RASAL1: variants seen among roughly 807,000 people sequenced by gnomAD.
RASAL1 encodes rasGAP-activating-like protein 1.
In RASAL1, 72 loss-of-function variants were observed where a neutral mutation model predicts 96.6. The ratio of observed to expected loss-of-function variants is 0.75; its 90% CI spans 0.62 to 0.91. The LOEUF (loss-of-function observed/expected upper bound fraction) is 0.91. RASAL1 is among the 40% of genes least tolerant of loss of function. RASAL1 has a pLI of 0.00. For synonymous variants in RASAL1, 405 were observed against 430.4 expected (o/e 0.94, Z 0.73); for missense variants, 1,016 against 1,072.5 (o/e 0.95, Z 0.74).
intron 7 of RASAL1, among the ~76,000 whole-genome samples, 170 bp downstream of exon 7, chr12:113,118,958 C>T (rs1951184895): frequency 6.6e-6 from 1 of 152,214 alleles, no homozygotes; most frequent in Admixed American, 6.5e-5. Flanking sequence ...AGTTTCCTCA[C>T]CTGTACAACA....
chr12:113,114,934 C>A, intron 11 of RASAL1, 22 bp from the exon 12 acceptor site: 1 of 1,586,824 alleles, frequency 6.3e-7, no homozygotes, highest in Non-Finnish European at 8.6e-7. Context: ...GGGCACCACA[C>A]GGGGTGGGGC....
rs1160591740 is a variant in RASAL1 at position 113,101,983 on chromosome 12, C to T, written c.2131G>A (p.Ala711Thr). Reference protein sequence around the residue: ...SAAGCSRTHSAVTLGDWSDPL... With the variant: ...SAAGCSRTHSTVTLGDWSDPL... ...TCACTCCAGTCCCCCAGGGTGACAG[C>T]TGAGTGTGTACGGCTGCAGCCGGCG... Residue 711 changes from alanine (A) to threonine (T), a missense_variant, in exon 19 of 21, where the codon GCT becomes ACT. By Grantham distance (58) the Ala-to-Thr change is moderately conservative (BLOSUM62 0). Transcript: ENST00000548055. 3 of 1,613,976 alleles carry T rather than the reference C, an allele frequency of 1.9e-6. No homozygotes were observed. The highest frequency in any genetic ancestry group is 2.5e-6 in the Non-Finnish European group (3 of 1,180,004).
At chr12:113,109,960 G>A (rs73207015) in intron 13 of RASAL1, among the ~76,000 whole-genome samples, 16,873 of 152,314 alleles carry the variant, frequency 0.11, 1,118 homozygotes, top group Middle Eastern at 0.19. Context: ...CGGGCCGGAG[G>A]AAGTCCCTGC....
intron 2 of RASAL1, among the ~76,000 whole-genome samples, chr12:113,128,490 A>AAC (rs149978369): frequency 0.04 from 5,596 of 138,650 alleles, 163 homozygotes; most frequent in African/African-American, 0.09. Flanking sequence ...CAGAGATCTC[A>AAC]ACACACACAC....
In RASAL1 at chr12:113,130,018, G is replaced by A. The variant is rs533255988; in HGVS notation, c.122+867C>T. Among the ~76,000 whole-genome samples the A allele has an allele frequency of 8.5e-5, 13 of 152,198 alleles. No homozygotes were observed. Among genetic ancestry groups the A allele is most frequent in the South Asian group, 6.2e-4 (3 of 4,826 alleles). On this transcript the variant is annotated intron_variant, in intron 2 of 20. Coordinates refer to ENST00000548055, the MANE Select transcript of RASAL1 (RefSeq NM_001301202.2). The surrounding 1 kb of genome is among the most constrained non-coding windows in gnomAD (Gnocchi z 5.1). The stretch of plus-strand genomic sequence containing the variant: ...ACAGTGGAGGGGAGTCAGTGGAGGG[G>A]GGAGCTACAGCTGACCCCTCCCCCA...
Position 113,104,195 on chromosome 12 carries a change from G to C in RASAL1, c.1934C>G (p.Thr645Arg). Residue 645 changes from threonine to arginine, a missense_variant, in exon 17 of 21, where the codon ACG becomes AGG. Transcript: ENST00000548055. Reference sequence around the variant, plus strand: ...GAGGTAGGTGGTGTGCAGCGCCCCCGTGCCGTCCTGCGTCACCACCTGCAT... The same window carrying C: ...GAGGTAGGTGGTGTGCAGCGCCCCCCTGCCGTCCTGCGTCACCACCTGCAT... ...HVMQVVTQDG[T>R]GALHTTYLQC... 1.2e-6 allele frequency: 2 copies of C among 1,611,954 alleles called. No homozygotes were observed. Among genetic ancestry groups the C allele is most frequent in the Non-Finnish European group, 1.7e-6 (2 of 1,179,198 alleles).
rs773496074 is a variant in RASAL1 at position 113,130,745 on chromosome 12, G to A, written c.122+140C>T. ...GGAGAGGAGCTGGCAGTCCCAGCTG[G>A]ACACAAATCACCCACCTGCAGGCCC... is the stretch of plus-strand genomic sequence containing the variant. On this transcript the variant is annotated intron_variant, in intron 2 of 20. Transcript: ENST00000548055. This position sits in a 1 kb window ranked among gnomAD's most constrained non-coding sequence, Gnocchi z 5.1. The A allele has an allele frequency of 7.6e-5, 50 of 661,918 alleles. No homozygotes were observed. The highest frequency in any genetic ancestry group is 2.5e-4 in the Middle Eastern group (1 of 3,964). 41.0% of individuals were successfully genotyped at this position (661,918 alleles called of 1,614,324 possible).
At chr12:113,107,531 G>A in intron 14 of RASAL1, 1 of 545,992 alleles carries the variant, frequency 1.8e-6, no homozygotes, top group South Asian at 1.5e-5. Flanking sequence ...GCTGAGGTGG[G>A]AAGATCACTT....
At chr12:113,116,724 A>C (rs1678060472) in intron 8 of RASAL1, among the ~76,000 whole-genome samples, 1 of 152,218 alleles carries the variant, frequency 6.6e-6, no homozygotes, top group African/African-American at 2.4e-5. Flanking sequence ...CAGTATAAAC[A>C]GGTGTGAAAT....
At position 113,099,842 on chromosome 12, in the gene RASAL1, A is replaced by G. The variant is rs1027516273; in HGVS notation, c.*87T>C. On this transcript the variant is annotated 3_prime_UTR_variant, in exon 21 of 21. Coordinates refer to ENST00000548055, the MANE Select transcript of RASAL1 (RefSeq NM_001301202.2). ...CCAAACCACAGAATCAAAGAGGTCC[A>G]AGGAGACAGGAGACTCCCGGGGCAG... is the stretch of plus-strand genomic sequence containing the variant. 6.6e-6 allele frequency: 10 copies of G among 1,514,590 alleles called. No individual in the cohort carries two copies. In the Admixed American group the frequency reaches 1.2e-4, roughly 18 times the overall value. The allele number at this position is 1,514,590 out of a possible 1,614,324, so 93.8% of individuals were successfully genotyped here. A position where few individuals can be genotyped will look rare whatever the true frequency, so the allele number is the denominator to read the frequency against.
At chr12:113,103,140 A>C (rs1221305848) in intron 18 of RASAL1, 2 of 203,070 alleles carry the variant, frequency 9.8e-6, no homozygotes, top group African/African-American at 4.8e-5. Context: ...ATCATTATAT[A>C]TTGTATATAC....
intron 5 of RASAL1, among the ~76,000 whole-genome samples, chr12:113,120,756 C>A (rs1030307065): frequency 2.0e-5 from 3 of 152,126 alleles, no homozygotes; most frequent in Admixed American, 6.5e-5. Flanking sequence ...TTTTCCTGGT[C>A]TTGCATCCAT....
At position 113,105,705 on chromosome 12, in the gene RASAL1, G is replaced by T. The variant is rs775056600; in HGVS notation, c.1830+9C>A. The T allele has an allele frequency of 6.3e-7, 1 of 1,598,046 alleles. No individual in the cohort carries two copies. The highest frequency in any genetic ancestry group is 1.1e-5 in the South Asian group (1 of 89,344). On this transcript the variant is annotated intron_variant, in intron 16 of 20. Coordinates refer to ENST00000548055, the MANE Select transcript of RASAL1 (RefSeq NM_001301202.2). ...CTGGAAAGCCCTCCATAGTGGACTG[G>T]AACCCCACCTGCCACTCAGGACTCT...
Position 113,135,599 on chromosome 12 carries a change from G to T in RASAL1, c.-137C>A. 1.4e-6 allele frequency: 1 copy of T among 710,778 alleles called. No individual in the cohort carries two copies. Among genetic ancestry groups the T allele is most frequent in the Non-Finnish European group, 2.4e-6 (1 of 415,282 alleles). 44.0% of individuals were successfully genotyped at this position (710,778 alleles called of 1,614,324 possible). The stretch of plus-strand genomic sequence containing the variant: ...GTGCCGCCTGTCCGAGACCCGGGTA[G>T]CTGGATGGGAGATTTCCGAAAGAGG... On this transcript the variant is annotated 5_prime_UTR_variant, in exon 1 of 21. Transcript: ENST00000548055. The surrounding 1 kb of genome is among the most constrained non-coding windows in gnomAD (Gnocchi z 5.7).
chr12:113,114,706 GT>G, intron 12 of RASAL1, 93 bp downstream of exon 12: 1 of 1,015,372 alleles, frequency 9.8e-7, no homozygotes, highest in Non-Finnish European at 1.5e-6. Context: ...TAGCCCCAGG[GT>G]GGGTGGCAGT....
rs1951678755 is a variant in RASAL1 at position 113,130,864 on chromosome 12, C to T, written c.122+21G>A. 1.2e-6 allele frequency: 2 copies of T among 1,607,262 alleles called. No individual in the cohort carries two copies. The highest frequency in any genetic ancestry group is 1.3e-5 in the African/African-American group (1 of 74,888). ...AAGAGACCCCTCCCTTCCTCCTCTC[C>T]CCCGTGTCGCCACCCCTCACCTGGC... is the stretch of plus-strand genomic sequence containing the variant. On this transcript the variant is annotated intron_variant, in intron 2 of 20. Coordinates refer to ENST00000548055, the MANE Select transcript of RASAL1 (RefSeq NM_001301202.2). This position sits in a 1 kb window ranked among gnomAD's most constrained non-coding sequence, Gnocchi z 5.1.
Position 113,107,252 on chromosome 12 carries a change from G to A in RASAL1, c.1513-11C>T, listed in dbSNP as rs777946684. 1.9e-6 allele frequency: 3 copies of A among 1,582,346 alleles called. No homozygotes were observed. In the East Asian group the frequency reaches 6.8e-5, roughly 36 times the overall value. The stretch of plus-strand genomic sequence containing the variant: ...AATGCTCTGCACAGCCTGGAGCAAA[G>A]AAGCGAGGGATGCCGGGGCCAAGGT... On this transcript the variant is annotated splice_polypyrimidine_tract_variant and intron_variant, in intron 14 of 20. Transcript: ENST00000548055.
At chr12:113,117,758 T>G (rs1374060647) in intron 7 of RASAL1, among the ~76,000 whole-genome samples, 2 of 152,174 alleles carry the variant, frequency 1.3e-5, no homozygotes, top group Non-Finnish European at 2.9e-5. Context: ...ACGAATCTAT[T>G]TTCTGTGTCG....
At chr12:113,107,877 AG>A (rs1950706479) in intron 14 of RASAL1, among the ~76,000 whole-genome samples, 2 of 152,180 alleles carry the variant, frequency 1.3e-5, no homozygotes, top group Admixed American at 6.5e-5. Context: ...TCCTTCTGGA[AG>A]GGTTGGGTTT....
Sources: allele counts gnomAD v4.1 joint callset (sites outside exome capture counted in the v4.1 genomes callset), GRCh38; gene constraint gnomAD v4.1.1; non-coding constraint Gnocchi (gnomAD v3.1); transcripts MANE v1.5; gene names NCBI Gene and HGNC (gene_info 2026-07-23, HGNC 2026-07-21).